Variants in NSMCE2 observed in about 807,000 individuals in gnomAD.
NSMCE2 encodes the protein NSE2 SUMO ligase component of SMC5/6 complex.
NSMCE2 carries 24 observed loss-of-function variants against 23.8 expected under a neutral mutation model. That is an observed-to-expected ratio of 1.01 (90% confidence interval 0.73 to 1.42). NSMCE2 has a LOEUF of 1.42. Ranked by LOEUF, NSMCE2 falls within the 40% of genes most tolerant of loss-of-function variation. The pLI, the probability that NSMCE2 is intolerant of heterozygous loss-of-function variation, is 0.00. For synonymous variants in NSMCE2, 92 were observed against 94.1 expected (o/e 0.98, Z 0.13); for missense variants, 284 against 296.5 (o/e 0.96, Z 0.31).
At chr8:125,218,680 A>G (rs1586628331) in intron 5 of NSMCE2, among the ~76,000 whole-genome samples, 1 of 152,082 alleles carries the variant, frequency 6.6e-6, no homozygotes, top group African/African-American at 2.4e-5. Flanking sequence ...CCAAAGTGCT[A>G]GGATTATAGG....
chr8:125,117,879 G>A (rs1192180705), intron 3 of NSMCE2, among the ~76,000 whole-genome samples: 1 of 152,136 alleles, frequency 6.6e-6, no homozygotes, highest in African/African-American at 2.4e-5. Flanking sequence ...TCAAGATTGT[G>A]TTCTCTTAAT....
intron 3 of NSMCE2, among the ~76,000 whole-genome samples, chr8:125,119,005 C>G (rs1336118468): frequency 2.0e-5 from 3 of 152,244 alleles, no homozygotes; most frequent in Admixed American, 2.0e-4. Flanking sequence ...TAATTTTGTC[C>G]TTCCTCCAGT....
chr8:125,298,452 G>A (rs1383981970), intron 5 of NSMCE2, among the ~76,000 whole-genome samples: 2 of 152,156 alleles, frequency 1.3e-5, no homozygotes, highest in Non-Finnish European at 2.9e-5. Flanking sequence ...GTGAGATCCA[G>A]CGTTTGCAGT....
At chr8:125,304,969 AAAAG>A (rs1828701889) in intron 5 of NSMCE2, among the ~76,000 whole-genome samples, 1 of 151,360 alleles carries the variant, frequency 6.6e-6, no homozygotes, top group Non-Finnish European at 1.5e-5. Flanking sequence ...GAAAGAAAGA[AAAAG>A]GAAAGGAAAG....
intron 5 of NSMCE2, among the ~76,000 whole-genome samples, chr8:125,318,196 C>G (rs893885571): frequency 6.6e-6 from 1 of 152,168 alleles, no homozygotes. Context: ...ATCACTTGAT[C>G]TCAGGAGTTT....
At chr8:125,273,448 A>G (rs959758951) in intron 5 of NSMCE2, among the ~76,000 whole-genome samples, 5 of 152,246 alleles carry the variant, frequency 3.3e-5, no homozygotes, top group Admixed American at 3.3e-4. Context: ...GTAATTAGCT[A>G]AGCATTTAGT....
chr8:125,167,074 A>G (rs1563692303), intron 4 of NSMCE2, among the ~76,000 whole-genome samples: 2 of 151,960 alleles, frequency 1.3e-5, no homozygotes, highest in African/African-American at 2.4e-5. Context: ...CTCCACATGT[A>G]CTCTCACACA....
intron 5 of NSMCE2, among the ~76,000 whole-genome samples, chr8:125,298,746 C>T (rs1435543113): frequency 2.4e-5 from 3 of 122,938 alleles, no homozygotes; most frequent in Non-Finnish European, 5.0e-5. Context: ...ACTTCTGATT[C>T]ATTTAAATAC....
chr8:125,228,567 T>C (rs1336758738), intron 5 of NSMCE2, among the ~76,000 whole-genome samples: 1 of 152,214 alleles, frequency 6.6e-6, no homozygotes, highest in Non-Finnish European at 1.5e-5. Flanking sequence ...ATGGATTTAA[T>C]TTCACTGGGG....
At chr8:125,097,091 T>C (rs777876021) in intron 1 of NSMCE2, among the ~76,000 whole-genome samples, 53 of 152,318 alleles carry the variant, frequency 3.5e-4, no homozygotes, top group South Asian at 8.3e-4. Context: ...TACAGTGAGA[T>C]TGTAAACAAG....
chr8:125,291,771 C>T (rs987624586), intron 5 of NSMCE2, among the ~76,000 whole-genome samples: 6 of 152,104 alleles, frequency 3.9e-5, no homozygotes, highest in African/African-American at 1.2e-4. Context: ...AGCCAGATCT[C>T]GTAAACAATA....
rs1395722396 is a variant in NSMCE2 at position 125,298,694 on chromosome 8, TTTG to T, written c.419-58522_419-58520del. 5.5e-3 allele frequency among the ~76,000 whole-genome samples: 584 copies of T among 107,130 alleles called. 7 individuals are homozygous for T. Among genetic ancestry groups the T allele is most frequent in the Middle Eastern group, 0.021 (4 of 192 alleles). The allele number at this position is 107,130 out of a possible 152,430, so 70.3% of individuals were successfully genotyped here. Reference sequence around the variant, plus strand: ...TATCAAATTCATCTGTGGGTTTTTTTTTGTTTTTTTTTTTTTTTCCCCAGTTTA... The same window carrying T: ...TATCAAATTCATCTGTGGGTTTTTTTTTTTTTTTTTTTTTTCCCCAGTTTA... On this transcript the variant is annotated intron_variant, in intron 5 of 7. Transcript: ENST00000287437.
intron 5 of NSMCE2, among the ~76,000 whole-genome samples, chr8:125,238,041 A>G (rs1825627774): frequency 6.6e-6 from 1 of 152,186 alleles, no homozygotes; most frequent in South Asian, 2.1e-4. Flanking sequence ...CTAGATCATG[A>G]GGACTCCCAA....
chr8:125,254,150 C>T (rs973262293), intron 5 of NSMCE2, among the ~76,000 whole-genome samples: 2 of 152,096 alleles, frequency 1.3e-5, no homozygotes, highest in African/African-American at 2.4e-5. Context: ...TCTCTTTTGA[C>T]TCCAATATTA....
chr8:125,284,254 CT>C (rs1021281121), intron 5 of NSMCE2, among the ~76,000 whole-genome samples: 5 of 142,688 alleles, frequency 3.5e-5, no homozygotes, highest in African/African-American at 9.1e-5. Context: ...AAAAATACCC[CT>C]GAAAGACAGA....
At chr8:125,124,809 T>C (rs761729577) in intron 3 of NSMCE2, among the ~76,000 whole-genome samples, 10 of 151,934 alleles carry the variant, frequency 6.6e-5, no homozygotes, top group African/African-American at 2.4e-4. Flanking sequence ...TGTTGTTGTT[T>C]TTTGAGACAG....
At chr8:125,096,879 G>A (rs1250554133) in intron 1 of NSMCE2, among the ~76,000 whole-genome samples, 1 of 151,950 alleles carries the variant, frequency 6.6e-6, no homozygotes, top group Non-Finnish European at 1.5e-5. Flanking sequence ...CAAAGTGCTG[G>A]GATTACAGGC....
At chr8:125,308,312 G>T (rs965207961) in intron 5 of NSMCE2, among the ~76,000 whole-genome samples, 2 of 152,102 alleles carry the variant, frequency 1.3e-5, no homozygotes, top group African/African-American at 2.4e-5. Context: ...TTCTCTGGAT[G>T]TTTTGGGGGG....
At chr8:125,335,550 T>TA in intron 5 of NSMCE2, among the ~76,000 whole-genome samples, 1 of 152,138 alleles carries the variant, frequency 6.6e-6, no homozygotes, top group East Asian at 1.9e-4. Flanking sequence ...AGGAGGTAAC[T>TA]AAAAATTTCC....
Sources: gnomAD v4.1 joint callset for allele counts (sites outside exome capture counted in the v4.1 genomes callset) on GRCh38, gnomAD v4.1.1 for gene constraint, MANE v1.5 for transcripts, NCBI Gene and HGNC (gene_info 2026-07-23, HGNC 2026-07-21) for gene names.